Variants in WWTR1 observed in about 807,000 individuals in gnomAD.
WWTR1 encodes WW domain containing transcription regulator 1, also known as WW domain-containing transcription regulator protein 1.
WWTR1 carries 13 observed loss-of-function variants against 40.1 expected under a neutral mutation model. The observed-to-expected ratio is 0.32, with a 90% CI of 0.21 to 0.52. WWTR1 has a LOEUF of 0.52. Among genes scored for constraint, WWTR1 ranks in the 20% least tolerant of loss-of-function variants. The probability of loss-of-function intolerance (pLI) is 0.97; values close to 1 mark genes in which losing one functional copy is unlikely to be tolerated. For synonymous variants in WWTR1, 230 were observed against 210.1 expected, an observed-to-expected ratio of 1.09 and a Z score of -0.82; for missense variants, 436 against 523.1, an observed-to-expected ratio of 0.83 and a Z score of 1.63.
intron 4 of WWTR1, among the ~76,000 whole-genome samples, chr3:149,530,395 T>C (rs2107914533): frequency 6.6e-6 from 1 of 151,990 alleles, no homozygotes; most frequent in African/African-American, 2.4e-5. Context: ...TTCCAGGAGT[T>C]CTAAATTTAT....
chr3:149,672,273 T>A (rs1318184474), intron 1 of WWTR1, among the ~76,000 whole-genome samples: 1 of 152,206 alleles, frequency 6.6e-6, no homozygotes, highest in African/African-American at 2.4e-5. Context: ...TCATTCTCAA[T>A]TCGTGTAGCT....
chr3:149,556,484 C>T (rs1010323221), intron 3 of WWTR1, among the ~76,000 whole-genome samples: 9 of 152,186 alleles, frequency 5.9e-5, no homozygotes, highest in East Asian at 1.9e-4. Context: ...GAAGCTGAGG[C>T]GGGAGAATTG....
intron 2 of WWTR1, among the ~76,000 whole-genome samples, chr3:149,605,796 T>C (rs1481606283): frequency 6.6e-6 from 1 of 152,124 alleles, no homozygotes; most frequent in Non-Finnish European, 1.5e-5. Context: ...CTAGTTAACA[T>C]TCTGAAGTCC....
chr3:149,708,114 T>C (rs1312174471), upstream of WWTR1, among the ~76,000 whole-genome samples: 1 of 152,256 alleles, frequency 6.6e-6, no homozygotes, highest in Non-Finnish European at 1.5e-5. Flanking sequence ...TGGTGCACTA[T>C]AGAACACCGT....
intron 3 of WWTR1, among the ~76,000 whole-genome samples, chr3:149,559,314 GAAAAGAAAAGAA>G (rs1736988339): frequency 8.1e-6 from 1 of 123,594 alleles, no homozygotes. Flanking sequence ...AAAAAAAAAA[GAAAAGAAAAGAA>G]AAAAGAAAAA....
chr3:149,606,396 A>G (rs989229281), intron 2 of WWTR1, among the ~76,000 whole-genome samples: 2 of 152,164 alleles, frequency 1.3e-5, no homozygotes, highest in Non-Finnish European at 2.9e-5. Context: ...TTCTTTTATC[A>G]TTAAAATTTC....
At chr3:149,622,269 AGTT>A (rs1183879537) in intron 2 of WWTR1, among the ~76,000 whole-genome samples, 22 of 152,106 alleles carry the variant, frequency 1.4e-4, no homozygotes, top group Non-Finnish European at 2.4e-4. Context: ...TTTTCTATCA[AGTT>A]GTTGTTATTT....
chr3:149,696,739 T>C (rs920812793), intron 1 of WWTR1, among the ~76,000 whole-genome samples: 5 of 152,182 alleles, frequency 3.3e-5, no homozygotes, highest in African/African-American at 1.2e-4. Context: ...TCAACGAGCA[T>C]GGCGTTTTTG....
intron 3 of WWTR1, among the ~76,000 whole-genome samples, chr3:149,548,293 T>G (rs1736461378): frequency 6.6e-6 from 1 of 152,156 alleles, no homozygotes; most frequent in African/African-American, 2.4e-5. Context: ...GAGCCACAGC[T>G]CGTAGAGAAA....
At chr3:149,683,403 G>A (rs1714525285) in intron 1 of WWTR1, among the ~76,000 whole-genome samples, 1 of 152,132 alleles carries the variant, frequency 6.6e-6, no homozygotes, top group Admixed American at 6.6e-5. Context: ...GCCTCACTTA[G>A]GATATTTAGG....
intron 4 of WWTR1, among the ~76,000 whole-genome samples, chr3:149,531,060 G>A (rs1304850990): frequency 1.3e-5 from 2 of 151,866 alleles, no homozygotes; most frequent in African/African-American, 2.4e-5. Context: ...TCAGCCTCCC[G>A]AGTAGCTGGG....
chr3:149,670,421 G>T (rs745451462), intron 1 of WWTR1, among the ~76,000 whole-genome samples: 1 of 152,066 alleles, frequency 6.6e-6, no homozygotes, highest in Non-Finnish European at 1.5e-5. Flanking sequence ...GGCCATAACT[G>T]CTATTTATCC....
chr3:149,688,151 C>T (rs1714710121), intron 1 of WWTR1, among the ~76,000 whole-genome samples: 1 of 151,962 alleles, frequency 6.6e-6, no homozygotes, highest in African/African-American at 2.4e-5. Context: ...TTCCCAATTC[C>T]AGGTCCTAGC....
chr3:149,544,363 G>A (rs9283600), intron 3 of WWTR1, among the ~76,000 whole-genome samples: 69,882 of 151,974 alleles, frequency 0.46, 16,702 homozygotes, highest in South Asian at 0.65. Context: ...TTGTCCATAC[G>A]CTCACTGAAA....
intron 1 of WWTR1, chr3:149,702,809 A>G (rs1029187477): frequency 1.3e-5 from 2 of 152,206 alleles, no homozygotes; most frequent in African/African-American, 4.8e-5. Context: ...CAGAATGACC[A>G]CTGCATTTCT....
intron 2 of WWTR1, among the ~76,000 whole-genome samples, chr3:149,594,253 CT>C (rs1163891429): frequency 6.6e-6 from 1 of 152,190 alleles, no homozygotes; most frequent in African/African-American, 2.4e-5. Flanking sequence ...GAAATTAAGA[CT>C]GTGGTCAGGG....
intron 2 of WWTR1, among the ~76,000 whole-genome samples, chr3:149,581,669 A>G (rs530539070): frequency 2.2e-4 from 34 of 152,368 alleles, no homozygotes; most frequent in African/African-American, 7.7e-4. Context: ...GGAATTCTGA[A>G]TGAATGGCAG....
At chr3:149,522,752 C>G (rs1414345473) in intron 6 of WWTR1, among the ~76,000 whole-genome samples, 1 of 151,810 alleles carries the variant, frequency 6.6e-6, no homozygotes, top group East Asian at 1.9e-4. Context: ...TAAAGAATTC[C>G]TAGGCCGGGT....
chr3:149,712,414 T>A (rs1247935919), intron 5 of WWTR1, among the ~76,000 whole-genome samples: 2 of 152,210 alleles, frequency 1.3e-5, no homozygotes, highest in Non-Finnish European at 2.9e-5. Context: ...TAAATCAGAT[T>A]TTTTCTATAG....
Sources: gnomAD v4.1 joint callset for allele counts (sites outside exome capture counted in the v4.1 genomes callset) on GRCh38, gnomAD v4.1.1 for gene constraint, MANE v1.5 for transcripts, NCBI Gene and HGNC (gene_info 2026-07-23, HGNC 2026-07-21) for gene names.